Variants in IQCF1 observed in about 807,000 individuals in gnomAD.
IQCF1 encodes IQ motif containing F1.
A neutral mutation model predicts 12.5 loss-of-function variants in IQCF1; 9 were observed. That is an observed-to-expected ratio of 0.72 (90% CI 0.43 to 1.26). The LOEUF (loss-of-function observed/expected upper bound fraction) is 1.26. Among genes scored for constraint, IQCF1 ranks in the 50% most tolerant of loss-of-function variants. IQCF1 has a pLI of 0.00. For missense variants in IQCF1, 252 were observed against 257.4 expected (o/e 0.98, Z 0.14); for synonymous variants, 67 against 96.2 (o/e 0.70, Z 1.78).
Position 51,902,974 on chromosome 3 carries a change from G to T in IQCF1, c.108+11C>A. On this transcript the variant is annotated intron_variant, in intron 2 of 3. Coordinates refer to ENST00000310914, the MANE Select transcript of IQCF1 (RefSeq NM_152397.3). ...TGGGATCAATGACATCCAAGTCAGG[G>T]CTCCTCCTACCTCTGCCTTTGACTC... The T allele has an allele frequency of 6.3e-7, 1 of 1,597,518 alleles. No individual in the cohort carries two copies. The highest frequency in any genetic ancestry group is 1.7e-4 in the Middle Eastern group (1 of 6,030).
chr3:51,902,612 G>A (rs938430288), intron 2 of IQCF1, among the ~76,000 whole-genome samples: 5 of 151,676 alleles, frequency 3.3e-5, no homozygotes, highest in African/African-American at 9.7e-5. Context: ...TTCCTGCTCC[G>A]CGGTAACCAT....
rs113909360 is a variant in IQCF1, at chr3:51,895,118, T to A, written c.390A>T (p.Thr130=). The A allele has an allele frequency of 2.4e-4, 393 of 1,614,232 alleles. No individual in the cohort carries two copies. The Middle Eastern group carries it at 3.0e-3, about 12-fold the overall frequency. ...AFSRKEWAAV[T]LQSQARMWRI... ...GCCACATGCGGGCCTGGGACTGCAG[T>A]GTGACTGCTGCCCACTCCTTCCGGG... Residue 130 remains threonine, a synonymous_variant, in exon 4 of 4, where the codon ACA becomes ACT. Coordinates refer to ENST00000310914, the MANE Select transcript of IQCF1 (RefSeq NM_152397.3). This position sits in a 1 kb window ranked among gnomAD's most constrained non-coding sequence, Gnocchi z 4.8.
At chr3:51,896,789 C>A in intron 3 of IQCF1, 43 bp downstream of exon 3, 2 of 1,464,518 alleles carry the variant, frequency 1.4e-6, no homozygotes, top group Non-Finnish European at 1.9e-6. Flanking sequence ...AGCACAGCCC[C>A]CACATCCCCA....
chr3:51,903,098 A>C lies in IQCF1; in HGVS notation c.4-9T>G, dbSNP rs184950606. ...TGGGGCTGCTTCTCCTCCTGCAATC[A>C]GCATTAGGGGAAAGGCAAGAGTGAG... On this transcript the variant is annotated splice_polypyrimidine_tract_variant and intron_variant, in intron 1 of 3. Transcript: ENST00000310914. 1 of 1,613,454 alleles carries C rather than the reference A, an allele frequency of 6.2e-7. No homozygotes were observed. The highest frequency in any genetic ancestry group is 2.2e-5 in the East Asian group (1 of 44,872).
rs1429752389 is a variant in IQCF1 at position 51,895,267 on chromosome 3, C to T, written c.241G>A (p.Gly81Ser). The stretch of plus-strand genomic sequence containing the variant: ...AACAGTGCCCGACGCACCAGGGTGC[C>T]CCGCCACCAGGCCTGGATCTTGGTG... ...VATKIQAWWR[G>S]TLVRRALLHA... Residue 81 changes from glycine (G) to serine (S), a missense_variant, in exon 4 of 4, where the codon GGC (glycine) becomes AGC (serine). Gly to Ser is a moderately conservative substitution (Grantham distance 56). Transcript: ENST00000310914. The surrounding 1 kb of genome is among the most constrained non-coding windows in gnomAD (Gnocchi z 4.8). 3.1e-6 allele frequency: 5 copies of T among 1,614,112 alleles called. No homozygotes were observed. In the Admixed American group the frequency reaches 6.7e-5, roughly 22 times the overall value.
In IQCF1 at chr3:51,895,450, C is replaced by T; in HGVS notation, c.172-114G>A. 1 of 924,146 alleles carries T rather than the reference C, an allele frequency of 1.1e-6. No individual in the cohort carries two copies. The allele number at this position is 924,146 out of a possible 1,614,324, so 57.2% of individuals were successfully genotyped here. On this transcript the variant is annotated intron_variant, in intron 3 of 3. Transcript: ENST00000310914. This position sits in a 1 kb window ranked among gnomAD's most constrained non-coding sequence, Gnocchi z 4.8. The stretch of plus-strand genomic sequence containing the variant: ...AGCAACTGTCTCTTTTTCTGGAATT[C>T]AGGAGCACTGGGCAGGGCACTGGCT...
At position 51,900,630 on chromosome 3, in the gene IQCF1, C is replaced by T. The variant is rs1419006260; in HGVS notation, c.108+2355G>A. Reference sequence around the variant, plus strand: ...AGTGTCAACCAGGAGTCTTGCCCCGCGATGTAGAGCTTTTATACCATAGTT... The same window carrying T: ...AGTGTCAACCAGGAGTCTTGCCCCGTGATGTAGAGCTTTTATACCATAGTT... On this transcript the variant is annotated intron_variant, in intron 2 of 3. Coordinates refer to ENST00000310914, the MANE Select transcript of IQCF1 (RefSeq NM_152397.3). This position sits in a 1 kb window ranked among gnomAD's most constrained non-coding sequence, Gnocchi z 4.2. Among the ~76,000 whole-genome samples the T allele has an allele frequency of 1.3e-5, 2 of 152,148 alleles. No homozygotes were observed. The highest frequency in any genetic ancestry group is 2.1e-4 in the South Asian group (1 of 4,828).
rs757956736 is a variant in IQCF1, at chr3:51,895,308, T to A, written c.200A>T (p.Asp67Val). 14 of 1,608,634 alleles carry A rather than the reference T, an allele frequency of 8.7e-6. No homozygotes were observed. In the Admixed American group the frequency reaches 1.0e-4, roughly 12 times the overall value. The change falls in exon 4 of 4, where the codon GAC (aspartate) becomes GTC (valine). Residue 67 changes from aspartate to valine, a missense_variant. Physicochemically the swap from Asp to Val is radical, Grantham distance 152. Transcript: ENST00000310914. The surrounding 1 kb of genome is among the most constrained non-coding windows in gnomAD (Gnocchi z 4.8). The part of the protein sequence containing the change: ...KPPENQKKLS[D>V]KDTVATKIQA... The stretch of plus-strand genomic sequence containing the variant: ...GATCTTGGTGGCTACCGTATCTTTG[T>A]CAGAGAGCTTCTTTTGGTTTTCTGG...
intron 3 of IQCF1, 119 bp downstream of exon 3, chr3:51,896,707 ACACACG>A (rs1210688556): frequency 6.8e-6 from 5 of 733,896 alleles, no homozygotes; most frequent in East Asian, 2.5e-5. Context: ...ACACACACAC[ACACACG>A]CACACACACA....
In IQCF1 at chr3:51,895,862, A is replaced by T. The variant is rs1698996854; in HGVS notation, c.172-526T>A. On this transcript the variant is annotated intron_variant, in intron 3 of 3. Transcript: ENST00000310914. This position sits in a 1 kb window ranked among gnomAD's most constrained non-coding sequence, Gnocchi z 4.8. Reference sequence around the variant, plus strand: ...TCCTATCTAAGGGGTCTGGGGAGTCATGCCCCACAAATCATAACTTCTCAT... The same window carrying T: ...TCCTATCTAAGGGGTCTGGGGAGTCTTGCCCCACAAATCATAACTTCTCAT... Among the ~76,000 whole-genome samples the T allele has an allele frequency of 6.6e-6, 1 of 152,218 alleles. No homozygotes were observed. Among genetic ancestry groups the T allele is most frequent in the African/African-American group, 2.4e-5 (1 of 41,458 alleles).
At chr3:51,898,386 A>AT (rs1699037259) in intron 2 of IQCF1, among the ~76,000 whole-genome samples, 2 of 152,242 alleles carry the variant, frequency 1.3e-5, no homozygotes, top group Non-Finnish European at 2.9e-5. Context: ...ATAACAGTCC[A>AT]ATACCACCTT....
chr3:51,895,235 T>C lies in IQCF1; in HGVS notation c.273A>G (p.Ala91=), dbSNP rs1698988767. The C allele has an allele frequency of 1.2e-6, 2 of 1,614,184 alleles. No homozygotes were observed. Among genetic ancestry groups the C allele is most frequent in the African/African-American group, 2.7e-5 (2 of 75,046 alleles). ...GTLVRRALLH[A]ALSACIIQCW... Reference sequence around the variant, plus strand: ...ACTGAATGATGCAGGCACTGAGGGCTGCGTGCAACAGTGCCCGACGCACCA... The same window carrying C: ...ACTGAATGATGCAGGCACTGAGGGCCGCGTGCAACAGTGCCCGACGCACCA... The change falls in exon 4 of 4, where the codon GCA becomes GCG. Residue 91 remains alanine (A), a synonymous_variant. Coordinates refer to ENST00000310914, the MANE Select transcript of IQCF1 (RefSeq NM_152397.3). This position sits in a 1 kb window ranked among gnomAD's most constrained non-coding sequence, Gnocchi z 4.8.
chr3:51,898,647 G>A (rs1405193133), intron 2 of IQCF1, among the ~76,000 whole-genome samples: 1 of 150,488 alleles, frequency 6.6e-6, no homozygotes, highest in Non-Finnish European at 1.5e-5. Flanking sequence ...GTAGCTTACT[G>A]ACTCAAGAAA....
Position 51,896,871 on chromosome 3 carries a change from C to T in IQCF1, c.132G>A (p.Glu44=), listed in dbSNP as rs1226563284. The change falls in exon 3 of 4, where the codon GAG becomes GAA. Residue 44 remains glutamate, a synonymous_variant. Coordinates refer to ENST00000310914, the MANE Select transcript of IQCF1 (RefSeq NM_152397.3). ...CATTGGCATTGTCCACTGTCTGTGT[C>T]TCAACCAGAACTGGAGTTTTAGCCT... ...KAEAKTPVLV[E]TQTVDNANEK... 2 of 1,613,470 alleles carry T rather than the reference C, an allele frequency of 1.2e-6. No individual in the cohort carries two copies. Among genetic ancestry groups the T allele is most frequent in the East Asian group, 4.5e-5 (2 of 44,872 alleles).
At chr3:51,896,757 ATCATGGTCAT>A in intron 3 of IQCF1, 65 bp downstream of exon 3, 1 of 1,134,242 alleles carries the variant, frequency 8.8e-7, no homozygotes, top group Non-Finnish European at 1.3e-6. Flanking sequence ...AGCTTCCCAT[ATCATGGTCAT>A]TCCATTCCAC....
chr3:51,896,954 C>T lies in IQCF1; in HGVS notation c.109-60G>A, dbSNP rs1249401385. On this transcript the variant is annotated intron_variant, in intron 2 of 3. Coordinates refer to ENST00000310914, the MANE Select transcript of IQCF1 (RefSeq NM_152397.3). ...TTGAGTTGTTTATTTCTCTTCTTAG[C>T]CCAGCACTGTTAGATATGAGTTCTA... 3 of 1,303,802 alleles carry T rather than the reference C, an allele frequency of 2.3e-6. No homozygotes were observed. The East Asian group carries it at 6.9e-5, about 30-fold the overall frequency. 80.8% of individuals were successfully genotyped at this position (1,303,802 alleles called of 1,614,324 possible).
chr3:51,902,355 G>A (rs1699084306), intron 2 of IQCF1, among the ~76,000 whole-genome samples: 1 of 152,212 alleles, frequency 6.6e-6, no homozygotes, highest in Non-Finnish European at 1.5e-5. Context: ...GAGCTGTAAG[G>A]AAATGCAAGA....
intron 3 of IQCF1, among the ~76,000 whole-genome samples, chr3:51,896,592 A>G (rs978673486): frequency 6.6e-6 from 1 of 152,112 alleles, no homozygotes; most frequent in African/African-American, 2.4e-5. Context: ...CCTCCACCCC[A>G]AAGTTCAAAC....
intron 2 of IQCF1, among the ~76,000 whole-genome samples, chr3:51,897,804 G>C (rs753150020): frequency 6.6e-6 from 1 of 152,182 alleles, no homozygotes; most frequent in Non-Finnish European, 1.5e-5. Context: ...CCTACTGCTC[G>C]ACGGAGTGAG....
Sources: gnomAD v4.1 joint callset for allele counts (sites outside exome capture counted in the v4.1 genomes callset) on GRCh38, gnomAD v4.1.1 for gene constraint, Gnocchi (gnomAD v3.1) non-coding constraint, MANE v1.5 for transcripts, NCBI Gene and HGNC (gene_info 2026-07-23, HGNC 2026-07-21) for gene names.